Variants in C2CD3 observed in about 807,000 individuals in gnomAD.
The protein encoded by C2CD3 is C2 domain-containing protein 3.
In C2CD3, 148 loss-of-function variants were observed where a neutral mutation model predicts 234.0. That is an observed-to-expected ratio of 0.63 (90% CI 0.55 to 0.72). C2CD3 has a LOEUF of 0.72. Ranked by LOEUF, C2CD3 falls within the 30% of genes least tolerant of loss-of-function variation. The pLI, the probability that C2CD3 is intolerant of heterozygous loss-of-function variation, is 0.00. For synonymous variants in C2CD3, 1,000 were observed against 1,035.4 expected, an observed-to-expected ratio of 0.97 and a Z score of 0.66; for missense variants, 2,577 against 2,811.5, an observed-to-expected ratio of 0.92 and a Z score of 1.89.
chr11:74,112,816 T>C (rs1217642007), intron 11 of C2CD3, among the ~76,000 whole-genome samples: 1 of 152,196 alleles, frequency 6.6e-6, no homozygotes, highest in Non-Finnish European at 1.5e-5. Context: ...GACGAGGATG[T>C]AGACAAATTA....
At chr11:74,056,169 C>T (rs1953939880) in intron 25 of C2CD3, among the ~76,000 whole-genome samples, 2 of 152,114 alleles carry the variant, frequency 1.3e-5, no homozygotes, top group Non-Finnish European at 2.9e-5. Context: ...TGCTGAGACT[C>T]AATAAGTACA....
chr11:74,083,296 A>C (rs1488176795), intron 22 of C2CD3, among the ~76,000 whole-genome samples: 2 of 152,212 alleles, frequency 1.3e-5, no homozygotes, highest in African/African-American at 2.4e-5. Flanking sequence ...TTAATTCAAG[A>C]TGGATTAAAG....
intron 24 of C2CD3, among the ~76,000 whole-genome samples, chr11:74,060,156 A>G (rs942405733): frequency 6.6e-6 from 1 of 152,168 alleles, no homozygotes; most frequent in Non-Finnish European, 1.5e-5. Context: ...CAGCTCAAGG[A>G]GGCTTGCCTG....
intron 32 of C2CD3, among the ~76,000 whole-genome samples, chr11:74,020,235 G>C (rs1390341211): frequency 6.6e-6 from 1 of 152,242 alleles, no homozygotes; most frequent in African/African-American, 2.4e-5. Context: ...CAGAAGACAG[G>C]CTGCTTCTTG....
At chr11:74,082,432 A>AAATAGCTC (rs1955424818) in intron 22 of C2CD3, among the ~76,000 whole-genome samples, 1 of 152,126 alleles carries the variant, frequency 6.6e-6, no homozygotes, top group Non-Finnish European at 1.5e-5. Flanking sequence ...GGTTTATCAT[A>AAATAGCTC]AATAGCTCTT....
chr11:74,026,840 G>T (rs1952319275), intron 32 of C2CD3, among the ~76,000 whole-genome samples: 1 of 151,504 alleles, frequency 6.6e-6, no homozygotes, highest in Non-Finnish European at 1.5e-5. Flanking sequence ...TGGTAGTGGT[G>T]CACGCCTATA....
intron 13 of C2CD3, 23 bp from the exon 14 acceptor site, chr11:74,103,648 A>C: frequency 6.3e-7 from 1 of 1,582,324 alleles, no homozygotes; most frequent in Non-Finnish European, 8.6e-7. Flanking sequence ...AAAGGAGAAG[A>C]GTCAATAAGA....
chr11:74,098,256 C>T lies in C2CD3; in HGVS notation c.2733-1G>A. 6.2e-7 allele frequency: 1 copy of T among 1,612,992 alleles called. No homozygotes were observed. ...CAGCAGGCGAGAAATCTTAGCATCTCTAGAGGGGGAGAAATTGTGAATAAG... is the reference window on the plus strand; with the variant it reads ...CAGCAGGCGAGAAATCTTAGCATCTTTAGAGGGGGAGAAATTGTGAATAAG... On this transcript the variant is annotated splice_acceptor_variant, in intron 15 of 32. Transcript: ENST00000334126. LOFTEE classifies it high-confidence loss of function.
At chr11:74,079,108 G>A (rs1955210052) in intron 22 of C2CD3, among the ~76,000 whole-genome samples, 1 of 31,954 alleles carries the variant, frequency 3.1e-5, no homozygotes, top group Non-Finnish European at 5.7e-5. Flanking sequence ...TGCTTTAAAA[G>A]TGAAATGTTT....
intron 2 of C2CD3, among the ~76,000 whole-genome samples, chr11:74,167,790 G>A (rs1324606779): frequency 6.6e-6 from 1 of 152,178 alleles, no homozygotes; most frequent in East Asian, 1.9e-4. Context: ...TTGGCTTCTG[G>A]TTCCCTACAG....
intron 19 of C2CD3, 71 bp downstream of exon 19, chr11:74,092,345 G>T: frequency 2.1e-6 from 3 of 1,412,854 alleles, no homozygotes; most frequent in Non-Finnish European, 3.0e-6. Context: ...GTGAACCACC[G>T]CACCCGGCTA....
chr11:74,081,033 C>T (rs1028522037), intron 22 of C2CD3, among the ~76,000 whole-genome samples: 2 of 152,006 alleles, frequency 1.3e-5, no homozygotes, highest in Admixed American at 1.3e-4. Context: ...AATACTAACT[C>T]ATAATAAAAT....
In C2CD3 at chr11:74,168,340, A is replaced by G; in HGVS notation, c.325+4T>C. Reference sequence around the variant, plus strand: ...GCAGGTGCAATGATAAAACAATAACATACCTGTTAGATAAGAGGTAAACTG... The same window carrying G: ...GCAGGTGCAATGATAAAACAATAACGTACCTGTTAGATAAGAGGTAAACTG... On this transcript the variant is annotated splice_donor_region_variant and intron_variant, in intron 2 of 32. Transcript: ENST00000334126. The G allele has an allele frequency of 6.2e-7, 1 of 1,608,198 alleles. No individual in the cohort carries two copies. The highest frequency in any genetic ancestry group is 8.5e-7 in the Non-Finnish European group (1 of 1,174,544).
intron 28 of C2CD3, among the ~76,000 whole-genome samples, chr11:74,047,252 C>CACTT (rs1430372795): frequency 1.3e-5 from 2 of 152,182 alleles, no homozygotes; most frequent in Admixed American, 1.3e-4. Context: ...TATAATATGA[C>CACTT]ACTTCGATGT....
chr11:74,050,030 T>C (rs958489575), intron 26 of C2CD3, among the ~76,000 whole-genome samples: 12 of 152,154 alleles, frequency 7.9e-5, no homozygotes, highest in South Asian at 6.2e-4. Context: ...TCCTCCTGCA[T>C]TGGCCTCCCA....
At chr11:74,133,344 T>C (rs2135537327) in intron 6 of C2CD3, 81 bp downstream of exon 6, 1 of 1,223,428 alleles carries the variant, frequency 8.2e-7, no homozygotes, top group Non-Finnish European at 1.2e-6. Context: ...CAAGATTACC[T>C]AGTCCATAAC....
At chr11:74,116,963 TACACATATACAC>T (rs1168607652) in intron 9 of C2CD3, among the ~76,000 whole-genome samples, 2 of 126,264 alleles carry the variant, frequency 1.6e-5, no homozygotes, top group African/African-American at 6.0e-5. Flanking sequence ...TATGTGTATA[TACACATATACAC>T]GTATATATAC....
At chr11:74,055,864 A>C (rs754724279) in intron 25 of C2CD3, among the ~76,000 whole-genome samples, 1 of 152,256 alleles carries the variant, frequency 6.6e-6, no homozygotes, top group Non-Finnish European at 1.5e-5. Context: ...GTGTAAAGTG[A>C]AGAGATGAAA....
rs764033852 is a variant in C2CD3 at position 74,103,529 on chromosome 11, T to G, written c.2182A>C (p.Ser728Arg). ...AGTTCTGGTAGTGCCTTATTTGGAC[T>G]TGTAGGAGCACAAAGTGGGGTATAA... ...THYTPLCAPT[S>R]PNKALPELNQ... Residue 728 changes from serine (S) to arginine (R), a missense_variant, in exon 14 of 33, where the codon AGT becomes CGT. Ser to Arg is a moderately radical substitution (Grantham distance 110). Transcript: ENST00000334126. 2 of 1,614,036 alleles carry G rather than the reference T, an allele frequency of 1.2e-6. No individual in the cohort carries two copies. Among genetic ancestry groups the G allele is most frequent in the Non-Finnish European group, 1.7e-6 (2 of 1,180,018 alleles).
Sources: gnomAD v4.1 joint callset for allele counts (sites outside exome capture counted in the v4.1 genomes callset) on GRCh38, gnomAD v4.1.1 for gene constraint, MANE v1.5 for transcripts, NCBI Gene and HGNC (gene_info 2026-07-23, HGNC 2026-07-21) for gene names.